The following SPRYD4 variants were observed in gnomAD, a reference collection of about 807,000 sequenced individuals.
SPRYD4 encodes SPRY domain-containing protein 4.
A neutral mutation model predicts 16.6 loss-of-function variants in SPRYD4; 12 were observed. The observed-to-expected ratio is 0.72, with a 90% confidence interval of 0.46 to 1.17. The LOEUF is 1.17. SPRYD4 is among the 50% of genes most tolerant of loss of function. The probability of loss-of-function intolerance (pLI) is 0.00; values close to 1 mark genes in which losing one functional copy is unlikely to be tolerated. For synonymous variants in SPRYD4, 98 were observed against 105.4 expected, an observed-to-expected ratio of 0.93 and a Z score of 0.43; for missense variants, 260 against 260.2, an observed-to-expected ratio of 1.00 and a Z score of 0.00.
At position 56,476,218 on chromosome 12, in the gene SPRYD4, A is replaced by C. The variant is rs541523552; in HGVS notation, c.*6641A>C. On this transcript the variant is annotated 3_prime_UTR_variant, in exon 2 of 2. Coordinates refer to ENST00000338146, the MANE Select transcript of SPRYD4 (RefSeq NM_207344.4). ...ACCCTTGTCACCCAGGCTGGAGTGC[A>C]GTGGCACGATCATGGCTCACTGCAG... 2.1e-6 allele frequency: 1 copy of C among 482,738 alleles called. No individual in the cohort carries two copies. The highest frequency in any genetic ancestry group is 2.0e-5 in the African/African-American group (1 of 50,900). The allele number at this position is 482,738 out of a possible 1,614,324, so 29.9% of individuals were successfully genotyped here.
In SPRYD4 at chr12:56,469,777, A is replaced by AC; in HGVS notation, c.*202dup. 1 of 517,914 alleles carries AC rather than the reference A, an allele frequency of 1.9e-6. No individual in the cohort carries two copies. Among genetic ancestry groups the AC allele is most frequent in the South Asian group, 2.3e-5 (1 of 43,542 alleles). The allele number at this position is 517,914 out of a possible 1,614,324, so 32.1% of individuals were successfully genotyped here. ...AGCCAAACCCTCCTTTTCCCCACCC[A>AC]CCAACTACTGCCAATTTCCTAGGCT... On this transcript the variant is annotated 3_prime_UTR_variant, in exon 2 of 2. Coordinates refer to ENST00000338146, the MANE Select transcript of SPRYD4 (RefSeq NM_207344.4).
rs749879900 is a variant in SPRYD4 at position 56,477,678 on chromosome 12, A to C, written c.*8101A>C. 5.6e-6 allele frequency: 9 copies of C among 1,613,574 alleles called. No homozygotes were observed. In the African/African-American group the frequency reaches 1.2e-4, roughly 22 times the overall value. On this transcript the variant is annotated 3_prime_UTR_variant, in exon 2 of 2. Transcript: ENST00000338146. ...CACTGACCTTGATCAGGGAGCTGACAACAATGGCACCAGCATTGACCATGG... is the reference window on the plus strand; with the variant it reads ...CACTGACCTTGATCAGGGAGCTGACCACAATGGCACCAGCATTGACCATGG...
chr12:56,472,802 G>C lies in SPRYD4; in HGVS notation c.*3225G>C. 1 of 1,534,428 alleles carries C rather than the reference G, an allele frequency of 6.5e-7. No homozygotes were observed. The highest frequency in any genetic ancestry group is 9.0e-7 in the Non-Finnish European group (1 of 1,108,118). The stretch of plus-strand genomic sequence containing the variant: ...ACATTAATTGAACTCACCTATGCCA[G>C]CTGTGCCCTGTGACCCTCCTCCATG... On this transcript the variant is annotated 3_prime_UTR_variant, in exon 2 of 2. Transcript: ENST00000338146.
In SPRYD4 at chr12:56,469,954, A is replaced by G. The variant is rs1339710281; in HGVS notation, c.*377A>G. The G allele has an allele frequency of 9.8e-6, 2 of 203,994 alleles. No individual in the cohort carries two copies. The highest frequency in any genetic ancestry group is 9.5e-5 in the South Asian group (1 of 10,522). 12.6% of individuals were successfully genotyped at this position (203,994 alleles called of 1,614,324 possible). A position where few individuals can be genotyped will look rare whatever the true frequency, so the allele number is the denominator to read the frequency against. Reference sequence around the variant, plus strand: ...ATGATACCTCTCCCTCCCTTTGTCCACATGTAACTTGTTCTTGGGGCTCTA... The same window carrying G: ...ATGATACCTCTCCCTCCCTTTGTCCGCATGTAACTTGTTCTTGGGGCTCTA... On this transcript the variant is annotated 3_prime_UTR_variant, in exon 2 of 2. Coordinates refer to ENST00000338146, the MANE Select transcript of SPRYD4 (RefSeq NM_207344.4).
rs1192463299 is a variant in SPRYD4, at chr12:56,469,068, G to A, written c.115G>A (p.Ala39Thr). The A allele has an allele frequency of 3.8e-6, 6 of 1,574,608 alleles. No individual in the cohort carries two copies. In the Admixed American group the frequency reaches 1.1e-4, roughly 30 times the overall value. ...CAGTTTCAAACTGGAAGAAAAAACC[G>A]CCCACAGCAGCCTGGCACTCTTCAG... ...GVSFKLEEKT[A>T]HSSLALFRDD... Residue 39 changes from alanine to threonine, a missense_variant, in exon 2 of 2, where the codon GCC becomes ACC. Transcript: ENST00000338146.
Position 56,471,303 on chromosome 12 carries a change from G to T in SPRYD4, c.*1726G>T. 1 of 628,642 alleles carries T rather than the reference G, an allele frequency of 1.6e-6. No individual in the cohort carries two copies. The highest frequency in any genetic ancestry group is 2.7e-6 in the Non-Finnish European group (1 of 371,976). 38.9% of individuals were successfully genotyped at this position (628,642 alleles called of 1,614,324 possible). On this transcript the variant is annotated 3_prime_UTR_variant, in exon 2 of 2. Transcript: ENST00000338146. ...CAGGTGTCCTCTGAGGCCCTTCTCTGTACTCTGTCTGCTGAGGGAATGGGG... is the reference window on the plus strand; with the variant it reads ...CAGGTGTCCTCTGAGGCCCTTCTCTTTACTCTGTCTGCTGAGGGAATGGGG...
At position 56,477,952 on chromosome 12, in the gene SPRYD4, CTTG is replaced by C. The variant is rs773407053; in HGVS notation, c.*8380_*8382del. On this transcript the variant is annotated 3_prime_UTR_variant, in exon 2 of 2. Coordinates refer to ENST00000338146, the MANE Select transcript of SPRYD4 (RefSeq NM_207344.4). ...GCTCACCTTCCTCATTGAGGGAGAG[CTTG>C]TTGTAGCGCAGGCCACTTGGCTCTT... The C allele has an allele frequency of 9.3e-6, 15 of 1,613,372 alleles. No individual in the cohort carries two copies. The highest frequency in any genetic ancestry group is 1.3e-5 in the Non-Finnish European group (15 of 1,179,596).
chr12:56,469,465 CTG>C lies in SPRYD4; in HGVS notation c.515_516del (p.Val172GlyfsTer30), dbSNP rs750971091. 1.2e-6 allele frequency: 2 copies of C among 1,614,130 alleles called. No individual in the cohort carries two copies. The highest frequency in any genetic ancestry group is 1.7e-6 in the Non-Finnish European group (2 of 1,180,010). On this transcript the variant is annotated frameshift_variant, in exon 2 of 2. Transcript: ENST00000338146. LOFTEE classifies it high-confidence loss of function. ...AGCCTGGTGGATGTGAGCCAGGTCTCTGTGGTTCACACGCTACAGACAGATTT... is the reference window on the plus strand; with the variant it reads ...AGCCTGGTGGATGTGAGCCAGGTCTCTGGTTCACACGCTACAGACAGATTT...
At position 56,471,355 on chromosome 12, in the gene SPRYD4, G is replaced by T; in HGVS notation, c.*1778G>T. ...ATTTTGACTCCCATAGAAAGCACTA[G>T]CCTAAGTCACCAAATGACTGCTTGG... On this transcript the variant is annotated 3_prime_UTR_variant, in exon 2 of 2. Coordinates refer to ENST00000338146, the MANE Select transcript of SPRYD4 (RefSeq NM_207344.4). 1.0e-6 allele frequency: 1 copy of T among 980,538 alleles called. No homozygotes were observed. The highest frequency in any genetic ancestry group is 1.5e-6 in the Non-Finnish European group (1 of 681,204). The allele number at this position is 980,538 out of a possible 1,614,324, so 60.7% of individuals were successfully genotyped here. A position where few individuals can be genotyped will look rare whatever the true frequency, so the allele number is the denominator to read the frequency against.
At position 56,469,363 on chromosome 12, in the gene SPRYD4, A is replaced by G; in HGVS notation, c.410A>G (p.Asn137Ser). ...CGCAAGTGGTACACCATGTTGGCCA[A>G]CGAGAAAGCCCCAGTTGAGGGTATT... ...AQRKWYTMLA[N>S]EKAPVEGIGQ... is the part of the protein sequence containing the mutation. The change falls in exon 2 of 2, where the codon AAC (asparagine) becomes AGC (serine). Residue 137 changes from asparagine to serine, a missense_variant. Physicochemically the swap from Asn to Ser is conservative, Grantham distance 46. Transcript: ENST00000338146. The G allele has an allele frequency of 6.2e-7, 1 of 1,614,128 alleles. No homozygotes were observed. The highest frequency in any genetic ancestry group is 8.5e-7 in the Non-Finnish European group (1 of 1,180,020).
At position 56,471,416 on chromosome 12, in the gene SPRYD4, T is replaced by G. The variant is rs1251872934; in HGVS notation, c.*1839T>G. 11 of 1,481,248 alleles carry G rather than the reference T, an allele frequency of 7.4e-6. No homozygotes were observed. The highest frequency in any genetic ancestry group is 1.0e-5 in the Non-Finnish European group (11 of 1,098,956). The allele number at this position is 1,481,248 out of a possible 1,614,324, so 91.8% of individuals were successfully genotyped here. ...AGCAGTGTAGCTCTCCATAGTATTT[T>G]TGGTGGTTATGGATTACATGTGTGG... On this transcript the variant is annotated 3_prime_UTR_variant, in exon 2 of 2. Transcript: ENST00000338146.
chr12:56,469,765 T>A lies in SPRYD4; in HGVS notation c.*188T>A. On this transcript the variant is annotated 3_prime_UTR_variant, in exon 2 of 2. Transcript: ENST00000338146. ...AGCTAGGCATACAGCCAAACCCTCC[T>A]TTTCCCCACCCACCAACTACTGCCA... 1.7e-6 allele frequency: 1 copy of A among 572,530 alleles called. No homozygotes were observed. The highest frequency in any genetic ancestry group is 2.9e-6 in the Non-Finnish European group (1 of 340,992). The allele number at this position is 572,530 out of a possible 1,614,324, so 35.5% of individuals were successfully genotyped here.
rs771068481 is a variant in SPRYD4, at chr12:56,475,902, C to G, written c.*6325C>G. ...GGGGCAGCTGGAGAGGACAGCATGC[C>G]ATGGCGAAATGCAGCCAGGGGCTAA... On this transcript the variant is annotated 3_prime_UTR_variant, in exon 2 of 2. Coordinates refer to ENST00000338146, the MANE Select transcript of SPRYD4 (RefSeq NM_207344.4). The G allele has an allele frequency of 6.2e-7, 1 of 1,609,756 alleles. No individual in the cohort carries two copies. The highest frequency in any genetic ancestry group is 1.3e-5 in the African/African-American group (1 of 74,792).
rs777009269 is a variant in SPRYD4 at position 56,471,793 on chromosome 12, C to G, written c.*2216C>G. 1.2e-6 allele frequency: 2 copies of G among 1,613,998 alleles called. No individual in the cohort carries two copies. Among genetic ancestry groups the G allele is most frequent in the South Asian group, 2.2e-5 (2 of 91,060 alleles). ...CTCACCTGTCCTTGGCAAAAGGATT[C>G]ACTTTGCAAGCCTCGATCAGGAATT... On this transcript the variant is annotated 3_prime_UTR_variant, in exon 2 of 2. Coordinates refer to ENST00000338146, the MANE Select transcript of SPRYD4 (RefSeq NM_207344.4).
chr12:56,478,857 G>T lies in SPRYD4; in HGVS notation c.*9280G>T, dbSNP rs942526268. Reference sequence around the variant, plus strand: ...AAAATACAAAAATTAGTCGGGCATGGTGGTGTATGCCAGCTACTCGGGAGG... The same window carrying T: ...AAAATACAAAAATTAGTCGGGCATGTTGGTGTATGCCAGCTACTCGGGAGG... On this transcript the variant is annotated 3_prime_UTR_variant, in exon 2 of 2. Transcript: ENST00000338146. 6.3e-5 allele frequency: 38 copies of T among 599,596 alleles called. No homozygotes were observed. In the African/African-American group the frequency reaches 7.1e-4, roughly 11 times the overall value. The allele number at this position is 599,596 out of a possible 1,614,324, so 37.1% of individuals were successfully genotyped here. A position where few individuals can be genotyped will look rare whatever the true frequency, so the allele number is the denominator to read the frequency against.
At position 56,472,081 on chromosome 12, in the gene SPRYD4, T is replaced by C. The variant is rs2136176899; in HGVS notation, c.*2504T>C. On this transcript the variant is annotated 3_prime_UTR_variant, in exon 2 of 2. Coordinates refer to ENST00000338146, the MANE Select transcript of SPRYD4 (RefSeq NM_207344.4). ...TTTTGGTGAAAAAGAAAGGGTCTTA[T>C]GATTACCCTCCTCCTCCCCTCCTTA... 1.2e-6 allele frequency: 2 copies of C among 1,603,576 alleles called. No homozygotes were observed. The highest frequency in any genetic ancestry group is 1.7e-6 in the Non-Finnish European group (2 of 1,171,098).
Position 56,475,577 on chromosome 12 carries a change from C to G in SPRYD4, c.*6000C>G. On this transcript the variant is annotated 3_prime_UTR_variant, in exon 2 of 2. Transcript: ENST00000338146. ...CTCTTGTCCCCATCCTAAGTACACA[C>G]ACATACACCACAATGCTTTCAGTCA... 1 of 1,583,636 alleles carries G rather than the reference C, an allele frequency of 6.3e-7. No individual in the cohort carries two copies. The highest frequency in any genetic ancestry group is 8.7e-7 in the Non-Finnish European group (1 of 1,152,670).
At position 56,478,169 on chromosome 12, in the gene SPRYD4, G is replaced by C; in HGVS notation, c.*8592G>C. ...CTGTGCCCTGCCTCCCCTTCCTCTT[G>C]CCCAGCATCTCACCGTTGACCATCC... On this transcript the variant is annotated 3_prime_UTR_variant, in exon 2 of 2. Coordinates refer to ENST00000338146, the MANE Select transcript of SPRYD4 (RefSeq NM_207344.4). The C allele has an allele frequency of 6.2e-7, 1 of 1,614,186 alleles. No individual in the cohort carries two copies. The highest frequency in any genetic ancestry group is 8.5e-7 in the Non-Finnish European group (1 of 1,180,024).
In SPRYD4 at chr12:56,475,746, G is replaced by C. The variant is rs1869749577; in HGVS notation, c.*6169G>C. ...AAGAAGCTCTATTAATACCTCACAG[G>C]TTGACTAGCCCTTCTGAACTCAGGT... On this transcript the variant is annotated 3_prime_UTR_variant, in exon 2 of 2. Transcript: ENST00000338146. 1.3e-6 allele frequency: 2 copies of C among 1,555,250 alleles called. No individual in the cohort carries two copies. The highest frequency in any genetic ancestry group is 2.7e-5 in the African/African-American group (2 of 73,704).
Sources: gnomAD v4.1 joint callset for allele counts on GRCh38, gnomAD v4.1.1 for gene constraint, MANE v1.5 for transcripts, NCBI Gene and HGNC (gene_info 2026-07-23, HGNC 2026-07-21) for gene names.